The following PCP4L1 variants were observed in gnomAD, a reference collection of about 807,000 sequenced individuals.
PCP4L1 encodes the protein Purkinje cell protein 4 like 1.
PCP4L1 carries 9 observed loss-of-function variants against 9.6 expected under a neutral mutation model. The ratio of observed to expected loss-of-function variants is 0.94; its 90% CI spans 0.57 to 1.64. The LOEUF (loss-of-function observed/expected upper bound fraction) is 1.64, where lower values mean the gene tolerates loss of function less well. Among genes scored for constraint, PCP4L1 ranks in the 40% most tolerant of loss-of-function variants. The pLI is 0.00. For missense variants in PCP4L1, 81 were observed against 80.8 expected, an observed-to-expected ratio of 1.00 and a Z score of -0.01; for synonymous variants, 31 against 28.2, an observed-to-expected ratio of 1.10 and a Z score of -0.31.
chr1:161,270,569 C>CAA (rs10530356), intron 1 of PCP4L1, among the ~76,000 whole-genome samples: 2,799 of 116,578 alleles, frequency 0.024, 192 homozygotes, highest in African/African-American at 0.09. Flanking sequence ...ACCCCAGGCT[C>CAA]AAAAAAAAAA....
chr1:161,284,299 G>A, intron 2 of PCP4L1, 40 bp from the exon 3 acceptor site: 2 of 1,613,900 alleles, frequency 1.2e-6, no homozygotes, highest in Non-Finnish European at 1.7e-6. Context: ...TCTAGAGCAG[G>A]TCAGATTAAC....
chr1:161,280,549 C>T (rs1669775897), intron 1 of PCP4L1, among the ~76,000 whole-genome samples: 1 of 152,210 alleles, frequency 6.6e-6, no homozygotes, highest in Non-Finnish European at 1.5e-5. Context: ...TGCAATTCCT[C>T]TCTTCCTTTT....
At chr1:161,282,917 C>T (rs752032447) in intron 1 of PCP4L1, among the ~76,000 whole-genome samples, 7 of 152,176 alleles carry the variant, frequency 4.6e-5, no homozygotes, top group Non-Finnish European at 8.8e-5. Flanking sequence ...CTACCATCGT[C>T]TCTTGCTTGG....
chr1:161,278,915 T>A (rs1190260406), intron 1 of PCP4L1, among the ~76,000 whole-genome samples: 1 of 152,186 alleles, frequency 6.6e-6, no homozygotes, highest in African/African-American at 2.4e-5. Context: ...CCTGAGTAGC[T>A]GGGACCACAA....
chr1:161,260,976 C>T (rs1405389365), intron 1 of PCP4L1, among the ~76,000 whole-genome samples: 1 of 152,154 alleles, frequency 6.6e-6, no homozygotes, highest in Non-Finnish European at 1.5e-5. Flanking sequence ...GGGGTCTCTG[C>T]TTCTCTAGGG....
At chr1:161,263,491 G>C (rs996352288) in intron 1 of PCP4L1, among the ~76,000 whole-genome samples, 18 of 151,966 alleles carry the variant, frequency 1.2e-4, no homozygotes, top group African/African-American at 4.4e-4. Context: ...TGCCCACCTC[G>C]GCTCCCAAAG....
intron 1 of PCP4L1, among the ~76,000 whole-genome samples, chr1:161,263,794 T>C (rs143283328): frequency 2.1e-4 from 31 of 150,138 alleles, no homozygotes; most frequent in African/African-American, 7.1e-4. Flanking sequence ...ACGTTGCCCA[T>C]GCTGGTCTCG....
At chr1:161,272,493 G>A (rs1344822244) in intron 1 of PCP4L1, among the ~76,000 whole-genome samples, 1 of 150,868 alleles carries the variant, frequency 6.6e-6, no homozygotes, top group East Asian at 2.0e-4. Flanking sequence ...TGGAGGCGGA[G>A]GTTGCAGTGA....
At chr1:161,275,012 G>T (rs1200136859) in intron 1 of PCP4L1, among the ~76,000 whole-genome samples, 1 of 152,130 alleles carries the variant, frequency 6.6e-6, no homozygotes, top group Non-Finnish European at 1.5e-5. Context: ...GAAACCCCGG[G>T]GGGTGGGGGG....
intron 1 of PCP4L1, among the ~76,000 whole-genome samples, chr1:161,269,608 T>C (rs983005374): frequency 1.3e-5 from 2 of 152,172 alleles, no homozygotes; most frequent in East Asian, 1.9e-4. Flanking sequence ...GAGAACCATA[T>C]GCCAAGGTCC....
chr1:161,272,596 T>C (rs1006943879), intron 1 of PCP4L1, among the ~76,000 whole-genome samples: 12 of 151,986 alleles, frequency 7.9e-5, no homozygotes, highest in African/African-American at 2.9e-4. Context: ...TCCTCAATAT[T>C]GACAATTCCT....
Position 161,258,760 on chromosome 1 carries a change from G to C in PCP4L1, c.-215G>C, listed in dbSNP as rs1669362530. On this transcript the variant is annotated 5_prime_UTR_variant, in exon 1 of 3. Transcript: ENST00000504449. ...GCGGCGAGCTGAGCGGCTCTGACAG[G>C]ACGGGTCGCAGGGGGTCGCCTGGCC... The C allele has an allele frequency of 2.8e-6, 2 of 705,752 alleles. No homozygotes were observed. Among genetic ancestry groups the C allele is most frequent in the South Asian group, 3.5e-5 (2 of 57,186 alleles). The allele number at this position is 705,752 out of a possible 1,614,324, so 43.7% of individuals were successfully genotyped here.
chr1:161,272,664 G>A (rs998577896), intron 1 of PCP4L1, among the ~76,000 whole-genome samples: 2 of 151,670 alleles, frequency 1.3e-5, no homozygotes, highest in East Asian at 1.9e-4. Flanking sequence ...AATTCAGGTT[G>A]AGGGAGGCTT....
intron 1 of PCP4L1, among the ~76,000 whole-genome samples, chr1:161,266,512 A>G (rs982629903): frequency 1.3e-5 from 2 of 152,202 alleles, no homozygotes; most frequent in Non-Finnish European, 1.5e-5. Context: ...GACTCACTGC[A>G]TACCATGAGC....
intron 1 of PCP4L1, among the ~76,000 whole-genome samples, chr1:161,281,237 ACTT>A (rs1398983375): frequency 1.3e-5 from 2 of 151,996 alleles, no homozygotes; most frequent in African/African-American, 4.8e-5. Flanking sequence ...TCCCATGTCT[ACTT>A]CTTTCTACAC....
At chr1:161,272,181 A>G in intron 1 of PCP4L1, among the ~76,000 whole-genome samples, 1 of 104,562 alleles carries the variant, frequency 9.6e-6, no homozygotes, top group Non-Finnish European at 1.9e-5. Context: ...AGATTGGGGT[A>G]ATCCCTTTTT....
At chr1:161,262,785 A>T (rs1669440948) in intron 1 of PCP4L1, among the ~76,000 whole-genome samples, 2 of 152,180 alleles carry the variant, frequency 1.3e-5, no homozygotes. Context: ...AGTGGTGGAG[A>T]TAGAGTTGCA....
chr1:161,264,411 G>T (rs1251462618), intron 1 of PCP4L1, among the ~76,000 whole-genome samples: 1 of 152,086 alleles, frequency 6.6e-6, no homozygotes, highest in Non-Finnish European at 1.5e-5. Context: ...CAGCTACTCG[G>T]GAGGCTGAGC....
At chr1:161,270,568 T>TAAAA (rs1448382472) in intron 1 of PCP4L1, among the ~76,000 whole-genome samples, 1 of 18,940 alleles carries the variant, frequency 5.3e-5, no homozygotes. Context: ...GACCCCAGGC[T>TAAAA]CAAAAAAAAA....
Sources: allele counts gnomAD v4.1 joint callset (sites outside exome capture counted in the v4.1 genomes callset), GRCh38; gene constraint gnomAD v4.1.1; transcripts MANE v1.5; gene names NCBI Gene and HGNC (gene_info 2026-07-23, HGNC 2026-07-21).